Variants in EPB41L2 observed in about 807,000 individuals in gnomAD.
EPB41L2 encodes the protein band 4.1-like protein 2.
In EPB41L2, 43 loss-of-function variants were observed where a neutral mutation model predicts 113.0. The observed-to-expected ratio is 0.38, with a 90% CI of 0.30 to 0.49. EPB41L2 has a LOEUF of 0.49. Ranked by LOEUF, EPB41L2 falls within the 20% of genes least tolerant of loss-of-function variation. EPB41L2 has a pLI of 0.95. For missense variants in EPB41L2, 1,147 were observed against 1,223.4 expected, an observed-to-expected ratio of 0.94 and a Z score of 0.93; for synonymous variants, 442 against 436.7, an observed-to-expected ratio of 1.01 and a Z score of -0.15.
intron 1 of EPB41L2, among the ~76,000 whole-genome samples, chr6:131,024,114 A>C (rs746151635): frequency 5.3e-5 from 8 of 152,174 alleles, no homozygotes; most frequent in Non-Finnish European, 1.0e-4. Flanking sequence ...AGGAGAAGCC[A>C]AATGCTGTAA....
chr6:131,005,238 C>T (rs1231437600), intron 1 of EPB41L2, among the ~76,000 whole-genome samples: 2 of 151,256 alleles, frequency 1.3e-5, no homozygotes, highest in Middle Eastern at 3.4e-3. Flanking sequence ...CAATTATCTA[C>T]TGCTGGTGAT....
At chr6:130,910,659 AG>A (rs1218831811) in intron 4 of EPB41L2, among the ~76,000 whole-genome samples, 12 of 152,246 alleles carry the variant, frequency 7.9e-5, no homozygotes, top group Non-Finnish European at 1.5e-4. Flanking sequence ...AGAATCTACA[AG>A]GAACTTAAAC....
chr6:130,946,837 T>C (rs1405792441), intron 3 of EPB41L2, among the ~76,000 whole-genome samples: 1 of 152,130 alleles, frequency 6.6e-6, no homozygotes, highest in East Asian at 1.9e-4. Flanking sequence ...AATTATTCCA[T>C]TGATATAGCA....
intron 1 of EPB41L2, among the ~76,000 whole-genome samples, chr6:131,007,822 T>C (rs748513479): frequency 6.6e-6 from 1 of 152,206 alleles, no homozygotes; most frequent in Non-Finnish European, 1.5e-5. Context: ...TGGAAGAAAT[T>C]TCCAGGCAGC....
At chr6:130,870,401 C>A in intron 14 of EPB41L2, 1 of 1,550,396 alleles carries the variant, frequency 6.4e-7, no homozygotes, top group Non-Finnish European at 8.7e-7. Context: ...AAAAAGCAAC[C>A]GAGGACACAA....
intron 6 of EPB41L2, among the ~76,000 whole-genome samples, chr6:130,902,899 T>C (rs1009827163): frequency 1.3e-5 from 2 of 152,194 alleles, no homozygotes; most frequent in South Asian, 2.1e-4. Context: ...AATAGTGTTC[T>C]TGCCCTTCTC....
chr6:130,858,458 C>T, intron 18 of EPB41L2: 1 of 449,452 alleles, frequency 2.2e-6, no homozygotes, highest in Non-Finnish European at 4.0e-6. Flanking sequence ...AGTCCACTTT[C>T]AAATAATGAC....
chr6:130,856,828 A>C (rs1304114194), intron 19 of EPB41L2, among the ~76,000 whole-genome samples: 1 of 152,248 alleles, frequency 6.6e-6, no homozygotes, highest in Non-Finnish European at 1.5e-5. Context: ...TTTAGTTATC[A>C]CATGGAAACA....
In EPB41L2 at chr6:130,840,261, T is replaced by C. The variant is rs1775062697; in HGVS notation, c.*343A>G. 1 of 152,626 alleles carries C rather than the reference T, an allele frequency of 6.6e-6. No homozygotes were observed. Among genetic ancestry groups the C allele is most frequent in the Admixed American group, 6.5e-5 (1 of 15,272 alleles). 9.5% of individuals were successfully genotyped at this position (152,626 alleles called of 1,614,324 possible). A position where few individuals can be genotyped will look rare whatever the true frequency, so the allele number is the denominator to read the frequency against. ...ACCAGCTTGGGCTGGCTTTGTTCAC[T>C]GTCATTTGATCAAAGTGAGTCATTA... On this transcript the variant is annotated 3_prime_UTR_variant, in exon 20 of 20. Coordinates refer to ENST00000337057, the MANE Select transcript of EPB41L2 (RefSeq NM_001431.4).
chr6:131,014,498 C>A (rs1208485443), intron 1 of EPB41L2, among the ~76,000 whole-genome samples: 1 of 152,182 alleles, frequency 6.6e-6, no homozygotes, highest in African/African-American at 2.4e-5. Flanking sequence ...ACTACCCTGT[C>A]CTGGGAGAGT....
intron 1 of EPB41L2, among the ~76,000 whole-genome samples, chr6:130,980,376 G>A (rs981905178): frequency 6.6e-6 from 1 of 151,952 alleles, no homozygotes; most frequent in Non-Finnish European, 1.5e-5. Flanking sequence ...AACACACAAA[G>A]TAGAAAGAAA....
intron 1 of EPB41L2, among the ~76,000 whole-genome samples, chr6:130,987,614 A>G (rs781373538): frequency 4.8e-4 from 73 of 152,000 alleles, no homozygotes; most frequent in Admixed American, 1.7e-3. Flanking sequence ...AATCACTTGA[A>G]CCCGGGAGGC....
At chr6:130,845,394 T>A (rs80066513) in intron 19 of EPB41L2, among the ~76,000 whole-genome samples, 1 of 142,100 alleles carries the variant, frequency 7.0e-6, no homozygotes, top group East Asian at 2.1e-4. Context: ...CTTTTTTTTT[T>A]AGAGGCAGGG....
chr6:130,855,086 C>T lies in EPB41L2; in HGVS notation c.*5+3045G>A, dbSNP rs150230035. Among the ~76,000 whole-genome samples the T allele has an allele frequency of 3.7e-3, 558 of 151,760 alleles. 5 individuals are homozygous for T. The highest frequency in any genetic ancestry group is 0.027 in the Middle Eastern group (8 of 292). ...TTAGGGGGCCAGGCACAGTGGCTCA[C>T]GCCTGTAAACTCAGCACTTTGGGAA... is the stretch of plus-strand genomic sequence containing the variant. On this transcript the variant is annotated intron_variant, in intron 19 of 19. Transcript: ENST00000337057.
chr6:131,031,928 C>T (rs924716993), intron 1 of EPB41L2, among the ~76,000 whole-genome samples: 1 of 152,172 alleles, frequency 6.6e-6, no homozygotes, highest in African/African-American at 2.4e-5. Context: ...CATAGCTACA[C>T]TTACTCCAAA....
In EPB41L2 at chr6:130,916,993, G is replaced by A. The variant is rs1801308583; in HGVS notation, c.811-8130C>T. ...AATTTTTGACAGCTTCCTGCAGAAA[G>A]CCCTGGCAGGGCACAGTTTCCACAT... On this transcript the variant is annotated intron_variant, in intron 4 of 19. Transcript: ENST00000337057. 2.0e-5 allele frequency among the ~76,000 whole-genome samples: 3 copies of A among 152,194 alleles called. No individual in the cohort carries two copies. The South Asian group carries it at 6.2e-4, about 31-fold the overall frequency.
chr6:130,996,919 G>A (rs527655452), intron 1 of EPB41L2, among the ~76,000 whole-genome samples: 1 of 152,188 alleles, frequency 6.6e-6, no homozygotes, highest in East Asian at 1.9e-4. Flanking sequence ...ATGGAAAAAT[G>A]TAGGGTTTTC....
chr6:130,911,458 C>T lies in EPB41L2; in HGVS notation c.811-2595G>A, dbSNP rs1348856048. On this transcript the variant is annotated intron_variant, in intron 4 of 19. Coordinates refer to ENST00000337057, the MANE Select transcript of EPB41L2 (RefSeq NM_001431.4). ...ATGGGTGCAGCAAACCACCATGGCA[C>T]GTGTATACCTATGTAACAAACCTGC... Among the ~76,000 whole-genome samples the T allele has an allele frequency of 2.6e-5, 4 of 151,838 alleles. No homozygotes were observed. In the South Asian group the frequency reaches 6.2e-4, roughly 24 times the overall value.
chr6:130,925,779 GTCTGAAAACAGTAC>G (rs1260879090), intron 4 of EPB41L2, among the ~76,000 whole-genome samples: 1 of 152,060 alleles, frequency 6.6e-6, no homozygotes, highest in Non-Finnish European at 1.5e-5. Context: ...GTGCTATTAC[GTCTGAAAACAGTAC>G]TCTAAACAGA....
Sources: allele counts gnomAD v4.1 joint callset (sites outside exome capture counted in the v4.1 genomes callset), GRCh38; gene constraint gnomAD v4.1.1; transcripts MANE v1.5; gene names NCBI Gene and HGNC (gene_info 2026-07-23, HGNC 2026-07-21).